NAALADL2: variants seen among roughly 807,000 people sequenced by gnomAD.
NAALADL2 encodes N-acetylated alpha-linked acidic dipeptidase like 2, also known as inactive N-acetylated-alpha-linked acidic dipeptidase-like protein 2.
In NAALADL2, 76 loss-of-function variants were observed where a neutral mutation model predicts 87.2. The observed-to-expected ratio is 0.87, with a 90% confidence interval of 0.72 to 1.05. The LOEUF is 1.05. Among genes scored for constraint, NAALADL2 ranks in the 50% least tolerant of loss-of-function variants. NAALADL2 has a pLI of 0.00. For synonymous variants in NAALADL2, 354 were observed against 331.0 expected (o/e 1.07, Z -0.75); for missense variants, 1,089 against 945.8 (o/e 1.15, Z -1.99).
At chr3:175,161,229 C>A (rs9820515) in intron 2 of NAALADL2, among the ~76,000 whole-genome samples, 24,282 of 151,700 alleles carry the variant, frequency 0.16, 2,581 homozygotes, top group African/African-American at 0.3. Context: ...GCAACAGAAG[C>A]CAACTTTTGC....
chr3:174,763,829 C>CA lies in NAALADL2; in HGVS notation c.-9+26096dup, dbSNP rs5854592. Among the ~76,000 whole-genome samples, 1,326 of 138,148 alleles carry CA rather than the reference C, an allele frequency of 9.6e-3. 10 individuals carry two copies. Among genetic ancestry groups the CA allele is most frequent in the African/African-American group, 0.021 (806 of 38,624 alleles). 90.6% of individuals were successfully genotyped at this position (138,148 alleles called of 152,430 possible). A position where few individuals can be genotyped will look rare whatever the true frequency, so the allele number is the denominator to read the frequency against. ...TTAGAAAACTAAAACCAAAACAAAA[C>CA]AAAAAAAAAAAAACAAACAAAATTT... On this transcript the variant is annotated intron_variant, in intron 3 of 3. Transcript: ENST00000434257.
At chr3:175,475,785 A>G (rs1243204616) in intron 9 of NAALADL2, among the ~76,000 whole-genome samples, 1 of 152,178 alleles carries the variant, frequency 6.6e-6, no homozygotes, top group Non-Finnish European at 1.5e-5. Context: ...TGGTATGATC[A>G]TAGCTCACTG....
intron 3 of NAALADL2, among the ~76,000 whole-genome samples, chr3:174,768,567 T>C (rs1254023291): frequency 6.6e-6 from 1 of 152,196 alleles, no homozygotes; most frequent in Non-Finnish European, 1.5e-5. Flanking sequence ...ATTTACTTAT[T>C]TGGAGATACA....
At chr3:175,026,601 G>A (rs1752258170) in intron 1 of NAALADL2, among the ~76,000 whole-genome samples, 1 of 151,640 alleles carries the variant, frequency 6.6e-6, no homozygotes, top group African/African-American at 2.4e-5. Flanking sequence ...GTCTCAGTGA[G>A]CCGAGATCAC....
At chr3:174,883,049 C>T (rs937031497) in intron 1 of NAALADL2, among the ~76,000 whole-genome samples, 15 of 151,744 alleles carry the variant, frequency 9.9e-5, no homozygotes, top group South Asian at 2.1e-4. Flanking sequence ...ACTTGGAGTC[C>T]GATGTTCAAG....
chr3:175,526,872 ATTT>A (rs1733489534), intron 9 of NAALADL2, among the ~76,000 whole-genome samples: 2 of 152,142 alleles, frequency 1.3e-5, no homozygotes, highest in African/African-American at 4.8e-5. Flanking sequence ...AAATTAGAGC[ATTT>A]AGCTAAAACC....
intron 2 of NAALADL2, among the ~76,000 whole-genome samples, chr3:174,629,797 C>T (rs927220457): frequency 6.6e-6 from 1 of 152,158 alleles, no homozygotes; most frequent in Non-Finnish European, 1.5e-5. Flanking sequence ...GTTACAGAGA[C>T]TATGTGAGTC....
At chr3:175,702,133 T>G (rs1582946631) in intron 11 of NAALADL2, among the ~76,000 whole-genome samples, 1 of 152,150 alleles carries the variant, frequency 6.6e-6, no homozygotes, top group South Asian at 2.1e-4. Flanking sequence ...AGATAACACA[T>G]GGCGTTATAA....
chr3:175,056,499 G>T (rs1712209936), intron 1 of NAALADL2, among the ~76,000 whole-genome samples: 2 of 152,036 alleles, frequency 1.3e-5, no homozygotes, highest in South Asian at 2.1e-4. Flanking sequence ...CCCACGTATG[G>T]GTGCCACTTG....
At chr3:175,004,376 CAAAAAAAAAAAAAAAAA>C (rs538715061) in intron 1 of NAALADL2, among the ~76,000 whole-genome samples, 5 of 33,852 alleles carry the variant, frequency 1.5e-4, no homozygotes, top group Non-Finnish European at 1.9e-4. Flanking sequence ...GAGACTATTT[CAAAAAAAAAAAAAAAAA>C]AAAAAAAAAA....
intron 4 of NAALADL2, among the ~76,000 whole-genome samples, chr3:175,299,424 C>T (rs1430424089): frequency 6.8e-6 from 1 of 148,136 alleles, no homozygotes; most frequent in Non-Finnish European, 1.5e-5. Context: ...TATCCATGAG[C>T]ATGGAATCTT....
intron 3 of NAALADL2, among the ~76,000 whole-genome samples, chr3:174,789,141 C>T (rs6790070): frequency 0.12 from 17,779 of 152,208 alleles, 1,289 homozygotes; most frequent in African/African-American, 0.2. Flanking sequence ...ATCCATATTG[C>T]TTCATTTGTA....
At chr3:174,787,842 C>T (rs1243952282) in intron 3 of NAALADL2, among the ~76,000 whole-genome samples, 1 of 151,118 alleles carries the variant, frequency 6.6e-6, no homozygotes, top group African/African-American at 2.4e-5. Flanking sequence ...TTGTCACCAC[C>T]AGAGTTGGAA....
At chr3:175,264,265 A>C (rs1269753241) in intron 4 of NAALADL2, among the ~76,000 whole-genome samples, 1 of 151,850 alleles carries the variant, frequency 6.6e-6, no homozygotes, top group Non-Finnish European at 1.5e-5. Flanking sequence ...AAATCTCTAC[A>C]TTGATGACAA....
At chr3:174,922,639 T>G (rs564809974) in intron 1 of NAALADL2, among the ~76,000 whole-genome samples, 155 of 152,324 alleles carry the variant, frequency 1.0e-3, no homozygotes, top group Non-Finnish European at 1.9e-3. Context: ...TTTGTAAAAC[T>G]TGCTCAGTCT....
chr3:174,843,433 TC>T (rs1372458070), intron 3 of NAALADL2, among the ~76,000 whole-genome samples: 1 of 152,198 alleles, frequency 6.6e-6, no homozygotes, highest in East Asian at 1.9e-4. Context: ...CTTTAAATAT[TC>T]ATCCATTGTT....
chr3:174,752,899 A>G (rs781235264), intron 3 of NAALADL2, among the ~76,000 whole-genome samples: 1 of 152,226 alleles, frequency 6.6e-6, no homozygotes, highest in African/African-American at 2.4e-5. Flanking sequence ...TCAATGGGAT[A>G]CTAATGGTAG....
intron 2 of NAALADL2, among the ~76,000 whole-genome samples, chr3:175,143,172 A>T (rs1730251567): frequency 6.6e-6 from 1 of 151,980 alleles, no homozygotes; most frequent in East Asian, 1.9e-4. Context: ...CTGAATAATT[A>T]TGCACATGTT....
intron 13 of NAALADL2, among the ~76,000 whole-genome samples, chr3:175,774,072 T>C (rs1452515980): frequency 6.6e-6 from 1 of 152,102 alleles, no homozygotes; most frequent in Non-Finnish European, 1.5e-5. Context: ...GTACAGTTAG[T>C]AGTATACTTT....
Sources: allele counts gnomAD v4.1 joint callset (sites outside exome capture counted in the v4.1 genomes callset), GRCh38; gene constraint gnomAD v4.1.1; transcripts MANE v1.5; gene names NCBI Gene and HGNC (gene_info 2026-07-23, HGNC 2026-07-21).